The following TRIM55 variants were observed in gnomAD, a reference collection of about 807,000 sequenced individuals.
The protein encoded by TRIM55 is tripartite motif containing 55.
A neutral mutation model predicts 60.9 loss-of-function variants in TRIM55; 50 were observed. The ratio of observed to expected loss-of-function variants is 0.82; its 90% CI spans 0.65 to 1.04. TRIM55 has a LOEUF of 1.04. Ranked by LOEUF, TRIM55 falls within the 50% of genes least tolerant of loss-of-function variation. The pLI is 0.00. For missense variants in TRIM55, 681 were observed against 666.9 expected (o/e 1.02, Z -0.23); for synonymous variants, 237 against 238.1 (o/e 1.00, Z 0.04).
At chr8:66,167,287 T>C (rs1811380481) in intron 9 of TRIM55, among the ~76,000 whole-genome samples, 1 of 152,212 alleles carries the variant, frequency 6.6e-6, no homozygotes, top group South Asian at 2.1e-4. Context: ...GGACAACCTG[T>C]TGGGTCTGTT....
intron 2 of TRIM55, among the ~76,000 whole-genome samples, chr8:66,131,963 AATAAATAC>A (rs1482102753): frequency 5.9e-5 from 9 of 152,274 alleles, no homozygotes; most frequent in African/African-American, 1.9e-4. Context: ...ATTTCAGCAG[AATAAATAC>A]ATAAATACAT....
chr8:66,152,492 A>C lies in TRIM55; in HGVS notation c.1101A>C (p.Pro367=). The change falls in exon 8 of 10, where the codon CCA becomes CCC. Residue 367 remains proline (P), a synonymous_variant. Transcript: ENST00000315962. ...TAGAAAATGTTCAAACAGAGTTTCCAGGAGAAGATGAAAACCCAGAAAAAG... is the reference window on the plus strand; with the variant it reads ...TAGAAAATGTTCAAACAGAGTTTCCCGGAGAAGATGAAAACCCAGAAAAAG... ...EEVENVQTEF[P]GEDENPEKAS... is the part of the protein sequence containing the mutation. 1 of 1,614,230 alleles carries C rather than the reference A, an allele frequency of 6.2e-7. No individual in the cohort carries two copies.
chr8:66,157,772 G>A (rs181507121), intron 9 of TRIM55, among the ~76,000 whole-genome samples: 9 of 152,156 alleles, frequency 5.9e-5, no homozygotes, highest in Admixed American at 5.2e-4. Context: ...ACATGCCCTC[G>A]ATTTTACTGC....
intron 9 of TRIM55, among the ~76,000 whole-genome samples, chr8:66,170,540 C>A (rs1243782692): frequency 6.6e-6 from 1 of 152,108 alleles, no homozygotes; most frequent in African/African-American, 2.4e-5. Context: ...TACCTCTTGG[C>A]TATTGTGAAT....
At chr8:66,138,546 T>C (rs1427947227) in intron 4 of TRIM55, among the ~76,000 whole-genome samples, 1 of 152,116 alleles carries the variant, frequency 6.6e-6, no homozygotes, top group African/African-American at 2.4e-5. Flanking sequence ...CCCGCCACCA[T>C]GCCCAGCTAA....
intron 9 of TRIM55, among the ~76,000 whole-genome samples, chr8:66,161,808 A>G (rs1381305149): frequency 7.4e-6 from 1 of 135,230 alleles, no homozygotes; most frequent in Non-Finnish European, 1.5e-5. Context: ...TCTTGATTTG[A>G]TCAAGAATAG....
intron 9 of TRIM55, among the ~76,000 whole-genome samples, 179 bp from the exon 10 acceptor site, chr8:66,174,292 T>C (rs984935142): frequency 6.6e-6 from 1 of 151,942 alleles, no homozygotes; most frequent in African/African-American, 2.4e-5. Flanking sequence ...CTCTTGGCTG[T>C]AGCCAAAATA....
the TRIM55 span, chr8:66,113,528 C>T: frequency 2.2e-6 from 1 of 456,328 alleles, no homozygotes; most frequent in Non-Finnish European, 4.4e-6. Flanking sequence ...TTCAGTGACA[C>T]ATTGCATTCC....
chr8:66,170,858 G>A (rs1811585335), intron 9 of TRIM55, among the ~76,000 whole-genome samples: 1 of 152,222 alleles, frequency 6.6e-6, no homozygotes, highest in African/African-American at 2.4e-5. Flanking sequence ...TCCTGTTCAA[G>A]CAACATTATT....
the TRIM55 span, among the ~76,000 whole-genome samples, chr8:66,118,454 A>T: frequency 1.3e-5 from 2 of 152,190 alleles, no homozygotes; most frequent in Non-Finnish European, 2.9e-5. Flanking sequence ...TAAAAATCAC[A>T]TATGCAAGCT....
intron 9 of TRIM55, among the ~76,000 whole-genome samples, chr8:66,173,556 A>G (rs890219016): frequency 1.3e-5 from 2 of 152,222 alleles, no homozygotes; most frequent in Non-Finnish European, 2.9e-5. Context: ...TGGCATTCTA[A>G]TCTGGTGGGA....
At chr8:66,162,422 A>T (rs770452383) in intron 9 of TRIM55, among the ~76,000 whole-genome samples, 26 of 151,316 alleles carry the variant, frequency 1.7e-4, no homozygotes, top group Non-Finnish European at 3.5e-4. Context: ...TCAGTTTGCT[A>T]GTATTTTGTT....
intron 4 of TRIM55, among the ~76,000 whole-genome samples, chr8:66,140,706 T>G (rs1262891068): frequency 6.6e-6 from 1 of 152,184 alleles, no homozygotes; most frequent in South Asian, 2.1e-4. Flanking sequence ...TGGCTTGCAG[T>G]GAAATGGTCC....
chr8:66,141,927 G>C (rs1203081601), intron 4 of TRIM55, among the ~76,000 whole-genome samples: 1 of 152,174 alleles, frequency 6.6e-6, no homozygotes, highest in Non-Finnish European at 1.5e-5. Context: ...AATTAGAGTT[G>C]TTTAAATACC....
intron 1 of TRIM55, 32 bp downstream of exon 1, chr8:66,127,468 G>T: frequency 6.2e-7 from 1 of 1,608,708 alleles, no homozygotes; most frequent in South Asian, 1.1e-5. Flanking sequence ...TTGAGGGGAG[G>T]GGGTGGAAAA....
At chr8:66,167,936 G>A (rs995047217) in intron 9 of TRIM55, among the ~76,000 whole-genome samples, 7 of 151,980 alleles carry the variant, frequency 4.6e-5, no homozygotes, top group African/African-American at 1.7e-4. Flanking sequence ...TTTTTGTAGG[G>A]GTGGGGTCAT....
chr8:66,134,882 G>A (rs1439276575), intron 2 of TRIM55, 108 bp from the exon 3 acceptor site: 1 of 1,175,912 alleles, frequency 8.5e-7, no homozygotes, highest in East Asian at 2.5e-5. Flanking sequence ...GAATTGCTGG[G>A]CATACAGGGA....
At chr8:66,130,528 GAA>G (rs1464659818) in intron 2 of TRIM55, among the ~76,000 whole-genome samples, 5 of 138,296 alleles carry the variant, frequency 3.6e-5, no homozygotes, top group African/African-American at 1.4e-4. Flanking sequence ...TATACAGAAT[GAA>G]AAGAGTTCAG....
chr8:66,131,870 ATC>A (rs1337218791), intron 2 of TRIM55, among the ~76,000 whole-genome samples: 6 of 152,222 alleles, frequency 3.9e-5, no homozygotes, highest in Non-Finnish European at 5.9e-5. Flanking sequence ...TTTGGTTGAC[ATC>A]TCTCATCTGC....
Sources: gnomAD v4.1 joint callset for allele counts (sites outside exome capture counted in the v4.1 genomes callset) on GRCh38, gnomAD v4.1.1 for gene constraint, MANE v1.5 for transcripts, NCBI Gene and HGNC (gene_info 2026-07-23, HGNC 2026-07-21) for gene names.